Variants in MGAT4C observed in about 807,000 individuals in gnomAD.
MGAT4C encodes the protein alpha-1,3-mannosyl-glycoprotein 4-beta-N-acetylglucosaminyltransferase C.
MGAT4C carries 19 observed loss-of-function variants against 40.1 expected under a neutral mutation model. The observed-to-expected ratio is 0.47, with a 90% CI of 0.33 to 0.70. MGAT4C has a LOEUF of 0.70. Ranked by LOEUF, MGAT4C falls within the 30% of genes least tolerant of loss-of-function variation. The pLI is 0.02. For missense variants in MGAT4C, 491 were observed against 563.2 expected (o/e 0.87, Z 1.30); for synonymous variants, 181 against 187.1 (o/e 0.97, Z 0.27).
At chr12:86,157,025 C>A (rs1885027176) in intron 1 of MGAT4C, among the ~76,000 whole-genome samples, 1 of 151,772 alleles carries the variant, frequency 6.6e-6, no homozygotes, top group Non-Finnish European at 1.5e-5. Flanking sequence ...ATTTCTTAAC[C>A]TGTATAATCT....
chr12:86,631,166 A>G (rs1273769524), intron 2 of MGAT4C, among the ~76,000 whole-genome samples: 1 of 152,194 alleles, frequency 6.6e-6, no homozygotes, highest in African/African-American at 2.4e-5. Flanking sequence ...TGCTACAAAG[A>G]GAATAAAATA....
At chr12:86,388,457 T>A (rs1956100170) in intron 3 of MGAT4C, among the ~76,000 whole-genome samples, 1 of 152,040 alleles carries the variant, frequency 6.6e-6, no homozygotes, top group African/African-American at 2.4e-5. Context: ...TTGATAACAA[T>A]GAAGAAATAT....
chr12:86,589,175 A>G (rs572964354), intron 2 of MGAT4C, among the ~76,000 whole-genome samples: 2 of 152,296 alleles, frequency 1.3e-5, no homozygotes, highest in East Asian at 3.9e-4. Context: ...TAAAGAAAAA[A>G]AGAGAGAAAA....
chr12:86,112,970 C>T (rs1877720363), intron 1 of MGAT4C, among the ~76,000 whole-genome samples: 1 of 151,480 alleles, frequency 6.6e-6, no homozygotes, highest in African/African-American at 2.4e-5. Flanking sequence ...TATCATTAAT[C>T]TAGGAGTGTA....
Position 86,619,509 on chromosome 12 carries a change from A to G in MGAT4C, c.-229+107700T>C, listed in dbSNP as rs181103804. On this transcript the variant is annotated intron_variant, in intron 2 of 7. Transcript: ENST00000548651. Reference sequence around the variant, plus strand: ...GTTCACAAATGTACTCTCAACACCAAAAAGTGATATTATGCTTCTCAATAT... The same window carrying G: ...GTTCACAAATGTACTCTCAACACCAGAAAGTGATATTATGCTTCTCAATAT... 2.2e-4 allele frequency among the ~76,000 whole-genome samples: 33 copies of G among 152,164 alleles called. 1 individual carries two copies. In the East Asian group the frequency reaches 4.1e-3, roughly 19 times the overall value.
intron 2 of MGAT4C, among the ~76,000 whole-genome samples, chr12:86,010,274 G>A (rs1012157412): frequency 1.3e-5 from 2 of 152,190 alleles, no homozygotes; most frequent in East Asian, 3.8e-4. Flanking sequence ...AAAGATGATT[G>A]TAAAAGGTAA....
rs538288972 is a variant in MGAT4C at position 86,427,877 on chromosome 12, C to G, written c.-120+7280G>C. On this transcript the variant is annotated intron_variant, in intron 3 of 7. Coordinates refer to the MGAT4C transcript ENST00000548651. ...CTACTAAAAATACACAAAATTAGCT[C>G]AGCTTGGTGGCAGGTGCCTGTAGTT... Among the ~76,000 whole-genome samples the G allele has an allele frequency of 3.3e-5, 5 of 152,004 alleles. No homozygotes were observed. The East Asian group carries it at 5.9e-4, about 18-fold the overall frequency.
rs532336658 is a variant in MGAT4C, at chr12:86,491,130, C to A, written c.-228-55865G>T. Among the ~76,000 whole-genome samples, 20 of 152,164 alleles carry A rather than the reference C, an allele frequency of 1.3e-4. No individual in the cohort carries two copies. The South Asian group carries it at 1.5e-3, about 11-fold the overall frequency. Reference sequence around the variant, plus strand: ...AATCTCTGAATAGACCAATAACAGGCTCTGAAATTGTGGCAATAATCAATA... The same window carrying A: ...AATCTCTGAATAGACCAATAACAGGATCTGAAATTGTGGCAATAATCAATA... On this transcript the variant is annotated intron_variant, in intron 2 of 7. Transcript: ENST00000548651.
chr12:86,502,703 A>T (rs969361185), intron 2 of MGAT4C, among the ~76,000 whole-genome samples: 24 of 143,724 alleles, frequency 1.7e-4, no homozygotes, highest in East Asian at 8.5e-4. Flanking sequence ...TATACACGAG[A>T]TCTGCTCATA....
At chr12:86,540,464 G>A (rs1345177478) in intron 2 of MGAT4C, among the ~76,000 whole-genome samples, 3 of 152,184 alleles carry the variant, frequency 2.0e-5, no homozygotes, top group East Asian at 1.9e-4. Flanking sequence ...TTGGCTGGGC[G>A]CGGTGGCTCA....
intron 2 of MGAT4C, among the ~76,000 whole-genome samples, chr12:86,674,134 T>C (rs1457128018): frequency 6.6e-6 from 1 of 152,128 alleles, no homozygotes; most frequent in East Asian, 1.9e-4. Context: ...TCCAGAGAGA[T>C]TATGTATAAA....
chr12:85,987,107 A>T lies in MGAT4C; in HGVS notation c.147+2293T>A, dbSNP rs1035321423. The stretch of plus-strand genomic sequence containing the variant: ...TTTTTCCAACTTTTGTAAGTATTTT[A>T]AAATAATAATTTTTTTTTTTTTTTT... On this transcript the variant is annotated intron_variant, in intron 3 of 4. Transcript: ENST00000611864. Among the ~76,000 whole-genome samples, 90 of 143,982 alleles carry T rather than the reference A, an allele frequency of 6.3e-4. 1 individual carries two copies. The highest frequency in any genetic ancestry group is 6.2e-3 in the Admixed American group (88 of 14,216). The allele number at this position is 143,982 out of a possible 152,430, so 94.5% of individuals were successfully genotyped here.
At chr12:86,407,020 A>C (rs1956487588) in intron 3 of MGAT4C, among the ~76,000 whole-genome samples, 1 of 152,096 alleles carries the variant, frequency 6.6e-6, no homozygotes, top group South Asian at 2.1e-4. Flanking sequence ...CTTCTGACTG[A>C]GTGATTACAA....
intron 2 of MGAT4C, among the ~76,000 whole-genome samples, chr12:86,584,698 T>G (rs1305694367): frequency 6.6e-6 from 1 of 151,406 alleles, no homozygotes; most frequent in African/African-American, 2.4e-5. Context: ...TTAAAGATGC[T>G]GCTAAACGAA....
chr12:86,274,835 A>G (rs1953031063), intron 4 of MGAT4C, among the ~76,000 whole-genome samples: 1 of 152,182 alleles, frequency 6.6e-6, no homozygotes, highest in South Asian at 2.1e-4. Context: ...TTGAAAGTCA[A>G]TTTTTGCCTA....
intron 1 of MGAT4C, among the ~76,000 whole-genome samples, chr12:86,180,046 G>C (rs545349169): frequency 2.0e-5 from 3 of 152,332 alleles, no homozygotes; most frequent in Admixed American, 2.0e-4. Context: ...GCCAGGCCAG[G>C]CTCCCTGTGC....
rs955855059 is a variant in MGAT4C at position 86,682,257 on chromosome 12, A to G, written c.-229+44952T>C. 4.6e-5 allele frequency among the ~76,000 whole-genome samples: 7 copies of G among 152,110 alleles called. No individual in the cohort carries two copies. The South Asian group carries it at 1.0e-3, about 22-fold the overall frequency. ...GTAGATAGGAGTTAATATTTATTAAATAGTATAAAATTTAATTTTATTAGA... is the reference window on the plus strand; with the variant it reads ...GTAGATAGGAGTTAATATTTATTAAGTAGTATAAAATTTAATTTTATTAGA... On this transcript the variant is annotated intron_variant, in intron 2 of 7. Coordinates refer to the MGAT4C transcript ENST00000548651.
At chr12:86,130,100 G>A (rs943521617) in intron 1 of MGAT4C, among the ~76,000 whole-genome samples, 2 of 152,174 alleles carry the variant, frequency 1.3e-5, no homozygotes, top group African/African-American at 4.8e-5. Flanking sequence ...TCCCTGAAAA[G>A]CAGATAAATG....
In MGAT4C at chr12:86,817,268, G is replaced by A. The variant is rs376553426; in HGVS notation, c.-262+21398C>T. Among the ~76,000 whole-genome samples, 6 of 151,198 alleles carry A rather than the reference G, an allele frequency of 4.0e-5. No homozygotes were observed. In the East Asian group the frequency reaches 1.2e-3, roughly 29 times the overall value. The stretch of plus-strand genomic sequence containing the variant: ...GTTTACATTCACTTCACTTTTGATT[G>A]ATAGAATATTTAAATTGTTTATTAT... On this transcript the variant is annotated intron_variant, in intron 1 of 7. Coordinates refer to the MGAT4C transcript ENST00000548651.
Sources: allele counts gnomAD v4.1 joint callset (sites outside exome capture counted in the v4.1 genomes callset), GRCh38; gene constraint gnomAD v4.1.1; transcripts MANE v1.5; gene names NCBI Gene and HGNC (gene_info 2026-07-23, HGNC 2026-07-21).